Variants in CA5B observed in about 807,000 individuals in gnomAD.
The protein encoded by CA5B is carbonic anhydrase 5B, mitochondrial.
CA5B carries 15 observed loss-of-function variants against 23.1 expected under a neutral mutation model. That is an observed-to-expected ratio of 0.65 (90% CI 0.43 to 1.00). The LOEUF is 1.00. Among genes scored for constraint, CA5B ranks in the 50% least tolerant of loss-of-function variants. CA5B has a pLI of 0.00. For synonymous variants in CA5B, 84 were observed against 98.5 expected (o/e 0.85, Z 0.87); for missense variants, 236 against 252.2 (o/e 0.94, Z 0.43).
rs1932083695 is a variant in CA5B at position 15,784,695 on chromosome X, A to G, written c.*2031A>G. ...TAAAGATCGTTAGGAAGGAAACGGG[A>G]CTACATCAAACTTAAAAATGTCTGT... On this transcript the variant is annotated 3_prime_UTR_variant, in exon 8 of 8. Coordinates refer to ENST00000318636, the MANE Select transcript of CA5B (RefSeq NM_007220.4). The G allele has an allele frequency of 1.8e-5, 2 of 112,127 alleles. No individual in the cohort carries two copies. Among genetic ancestry groups the G allele is most frequent in the Non-Finnish European group, 3.8e-5 (2 of 53,287 alleles). 9.2% of individuals were successfully genotyped at this position (112,127 alleles called of 1,213,427 possible).
intron 2 of CA5B, among the ~76,000 whole-genome samples, chrX:15,752,724 C>CA (rs35355387): frequency 8.0e-4 from 75 of 93,223 alleles, no homozygotes; most frequent in East Asian, 2.4e-3. Flanking sequence ...GACTCTGTCT[C>CA]AAAAAAAAAA....
At chrX:15,766,024 G>A (rs1931700637) in intron 3 of CA5B, among the ~76,000 whole-genome samples, 1 of 108,081 alleles carries the variant, frequency 9.3e-6, no homozygotes, top group South Asian at 4.1e-4. Context: ...GGGTGTGGTG[G>A]CGCATGCCTG....
intron 7 of CA5B, among the ~76,000 whole-genome samples, chrX:15,777,977 G>A (rs905700052): frequency 4.5e-5 from 5 of 111,423 alleles, no homozygotes; most frequent in Admixed American, 9.6e-5. Flanking sequence ...AATAAAAAAC[G>A]ACTACAAAAA....
At chrX:15,749,606 A>T (rs920038422) in intron 1 of CA5B, among the ~76,000 whole-genome samples, 2 of 110,442 alleles carry the variant, frequency 1.8e-5, no homozygotes, top group African/African-American at 6.6e-5. Context: ...GTACATGTAA[A>T]TACCATGCTG....
At chrX:15,743,184 G>A (rs939097940) in intron 1 of CA5B, among the ~76,000 whole-genome samples, 1 of 112,329 alleles carries the variant, frequency 8.9e-6, no homozygotes, top group African/African-American at 3.2e-5. Flanking sequence ...AGTTCCCCAC[G>A]CCTGAAATGT....
chrX:15,768,579 G>A (rs188370602), intron 3 of CA5B: 2 of 111,196 alleles, frequency 1.8e-5, no homozygotes, highest in African/African-American at 6.5e-5. Context: ...CTTTAAGATA[G>A]CATCAATTTT....
At position 15,783,180 on chromosome X, in the gene CA5B, G is replaced by A. The variant is rs1281923582; in HGVS notation, c.*516G>A. 8.9e-6 allele frequency: 1 copy of A among 112,734 alleles called. No individual in the cohort carries two copies. The highest frequency in any genetic ancestry group is 1.9e-5 in the Non-Finnish European group (1 of 53,505). The allele number at this position is 112,734 out of a possible 1,213,427, so 9.3% of individuals were successfully genotyped here. A position where few individuals can be genotyped will look rare whatever the true frequency, so the allele number is the denominator to read the frequency against. ...AGGCACAGACACTGACCAGAACTCAGGCCTTGCAGAAACAGCCTATGGGCC... is the reference window on the plus strand; with the variant it reads ...AGGCACAGACACTGACCAGAACTCAAGCCTTGCAGAAACAGCCTATGGGCC... On this transcript the variant is annotated 3_prime_UTR_variant, in exon 8 of 8. Transcript: ENST00000318636.
At chrX:15,750,410 T>C in intron 2 of CA5B, 1 of 284,886 alleles carries the variant, frequency 3.5e-6, no homozygotes, top group Non-Finnish European at 6.2e-6. Context: ...TTCATGAAAG[T>C]AAATGTAGAA....
At chrX:15,748,093 G>T (rs757666284) in intron 1 of CA5B, among the ~76,000 whole-genome samples, 13 of 112,042 alleles carry the variant, frequency 1.2e-4, no homozygotes, top group African/African-American at 4.2e-4. Context: ...AGGAAGGCTG[G>T]TCGCCCCACC....
Position 15,764,298 on chromosome X carries a change from A to C in CA5B, c.143-280A>C, listed in dbSNP as rs192148355. ...GGGTCTGTTGCCCAGGCTGGAGTGC[A>C]GTGGTGCTATCATGGCTCACAACAG... On this transcript the variant is annotated intron_variant, in intron 2 of 7. Transcript: ENST00000318636. Among the ~76,000 whole-genome samples the C allele has an allele frequency of 1.9e-3, 202 of 107,604 alleles. 1 individual carries two copies. Among genetic ancestry groups the C allele is most frequent in the Non-Finnish European group, 3.6e-3 (189 of 52,066 alleles). The allele number at this position is 107,604 out of a possible 115,157, so 93.4% of individuals were successfully genotyped here. A position where few individuals can be genotyped will look rare whatever the true frequency, so the allele number is the denominator to read the frequency against.
In CA5B at chrX:15,776,430, C is replaced by T. The variant is rs144853059; in HGVS notation, c.619-284C>T. ...CTGTCTAAAACCTCTCAACAAAACT[C>T]AGAGGAGACTACCTGCTGGAACCTC... On this transcript the variant is annotated intron_variant, in intron 6 of 7. Coordinates refer to ENST00000318636, the MANE Select transcript of CA5B (RefSeq NM_007220.4). Among the ~76,000 whole-genome samples the T allele has an allele frequency of 7.2e-5, 8 of 111,117 alleles. No homozygotes were observed. In the East Asian group the frequency reaches 2.2e-3, roughly 31 times the overall value.
Position 15,764,623 on chromosome X carries a change from G to A in CA5B, c.188G>A (p.Arg63His), listed in dbSNP as rs1253794256. 8.5e-7 allele frequency: 1 copy of A among 1,175,275 alleles called. No individual in the cohort carries two copies. The highest frequency in any genetic ancestry group is 1.1e-6 in the Non-Finnish European group (1 of 881,482). ...ESVDLVPGGD[R>H]QSPINIRWRD... is the part of the protein sequence containing the mutation. ...GTGGACCTGGTTCCTGGGGGCGATCGCCAGTCACCCATCAACATTCGGTGG... is the reference window on the plus strand; with the variant it reads ...GTGGACCTGGTTCCTGGGGGCGATCACCAGTCACCCATCAACATTCGGTGG... Residue 63 changes from arginine to histidine, a missense_variant, in exon 3 of 8, where the codon CGC becomes CAC. By Grantham distance (29) the Arg-to-His change is conservative (BLOSUM62 0). Around this residue, in one of 3 missense-constraint regions of CA5B, gnomAD observed 12 missense variants for 43.6 expected, o/e 0.28. Transcript: ENST00000318636.
chrX:15,744,227 C>T (rs779838220), intron 1 of CA5B, among the ~76,000 whole-genome samples: 2 of 113,147 alleles, frequency 1.8e-5, no homozygotes, highest in South Asian at 7.3e-4. Flanking sequence ...CCCTGGCCGT[C>T]AGCCCCAGCC....
chrX:15,762,965 CTG>C (rs1229040630), intron 2 of CA5B: 4 of 324,207 alleles, frequency 1.2e-5, no homozygotes, highest in African/African-American at 1.1e-4. Flanking sequence ...GTGCTTGACT[CTG>C]GAAGAAAATC....
intron 2 of CA5B, among the ~76,000 whole-genome samples, chrX:15,761,185 T>TA (rs56031818): frequency 8.9e-6 from 1 of 112,244 alleles, no homozygotes; most frequent in African/African-American, 3.2e-5. Context: ...CTTTCTTTTT[T>TA]AAAATTTCTA....
rs953236322 is a variant in CA5B, at chrX:15,784,506, G to A, written c.*1842G>A. 1 of 112,115 alleles carries A rather than the reference G, an allele frequency of 8.9e-6. No homozygotes were observed. The highest frequency in any genetic ancestry group is 3.2e-5 in the African/African-American group (1 of 30,854). The allele number at this position is 112,115 out of a possible 1,213,427, so 9.2% of individuals were successfully genotyped here. On this transcript the variant is annotated 3_prime_UTR_variant, in exon 8 of 8. Coordinates refer to ENST00000318636, the MANE Select transcript of CA5B (RefSeq NM_007220.4). Reference sequence around the variant, plus strand: ...TATTCTGAGGAATTCATGCTCCTGTGGCTCTTGCTTATAAATATCTTGGAA... The same window carrying A: ...TATTCTGAGGAATTCATGCTCCTGTAGCTCTTGCTTATAAATATCTTGGAA...
rs765708598 is a variant in CA5B at position 15,776,860 on chromosome X, T to G, written c.765T>G (p.Asp255Glu). ...TTAAGAAGCAACCAGTAGAGGTTGA[T>G]CATGATCAGGTATGTTCTCTCCATA... ...WIIKKQPVEV[D>E]HDQLEQFRTL... The change falls in exon 7 of 8, where the codon GAT becomes GAG. Residue 255 changes from aspartate to glutamate, a missense_variant. Physicochemically the swap from Asp to Glu is conservative, Grantham distance 45. This residue lies in a region of CA5B where 170 missense variants were observed against 162.0 expected (regional missense o/e 1.05). Coordinates refer to ENST00000318636, the MANE Select transcript of CA5B (RefSeq NM_007220.4). 4 of 1,205,693 alleles carry G rather than the reference T, an allele frequency of 3.3e-6. No homozygotes were observed. The highest frequency in any genetic ancestry group is 2.2e-5 in the Admixed American group (1 of 45,696).
intron 2 of CA5B, among the ~76,000 whole-genome samples, chrX:15,756,452 G>A (rs952168431): frequency 8.8e-6 from 1 of 113,027 alleles, no homozygotes; most frequent in African/African-American, 3.2e-5. Context: ...CAGATTACCT[G>A]AGGAATGGTT....
At chrX:15,753,608 G>A (rs917795257) in intron 2 of CA5B, among the ~76,000 whole-genome samples, 60 of 112,598 alleles carry the variant, frequency 5.3e-4, no homozygotes, top group Admixed American at 1.4e-3. Flanking sequence ...ATATGTCAAA[G>A]AAATATATTT....
Sources: gnomAD v4.1 joint callset for allele counts (sites outside exome capture counted in the v4.1 genomes callset) on GRCh38, gnomAD v4.1.1 for gene constraint, gnomAD v4.1.1 regional missense constraint, MANE v1.5 for transcripts, NCBI Gene and HGNC (gene_info 2026-07-23, HGNC 2026-07-21) for gene names.